Variants in CA10 observed in about 807,000 individuals in gnomAD.
CA10 encodes the protein carbonic anhydrase 10 (inactive).
A neutral mutation model predicts 44.2 loss-of-function variants in CA10; 14 were observed. That is an observed-to-expected ratio of 0.32 (90% CI 0.21 to 0.50). The LOEUF is 0.50. Ranked by LOEUF, CA10 falls within the 20% of genes least tolerant of loss-of-function variation. The probability of loss-of-function intolerance (pLI) is 0.99; values close to 1 mark genes in which losing one functional copy is unlikely to be tolerated. For missense variants in CA10, 350 were observed against 409.7 expected, an observed-to-expected ratio of 0.85 and a Z score of 1.26; for synonymous variants, 159 against 141.6, an observed-to-expected ratio of 1.12 and a Z score of -0.87.
chr17:51,919,851 A>G (rs1475850075), intron 3 of CA10, among the ~76,000 whole-genome samples: 1 of 152,044 alleles, frequency 6.6e-6, no homozygotes, highest in Non-Finnish European at 1.5e-5. Flanking sequence ...ACGGGGTTTC[A>G]CCATATTGGC....
At chr17:52,117,879 T>A (rs1458932409) in intron 1 of CA10, among the ~76,000 whole-genome samples, 2 of 152,212 alleles carry the variant, frequency 1.3e-5, no homozygotes, top group Non-Finnish European at 1.5e-5. Flanking sequence ...TTTAAACACA[T>A]TGTGGAAGGT....
At chr17:52,007,649 T>A (rs1012065450) in intron 2 of CA10, among the ~76,000 whole-genome samples, 2 of 151,600 alleles carry the variant, frequency 1.3e-5, no homozygotes, top group African/African-American at 4.8e-5. Flanking sequence ...TGATGTTTTA[T>A]TTACAATTTT....
intron 1 of CA10, among the ~76,000 whole-genome samples, chr17:52,136,937 ATCT>A (rs1989373221): frequency 6.6e-6 from 1 of 152,218 alleles, no homozygotes; most frequent in Non-Finnish European, 1.5e-5. Flanking sequence ...AAATAATGTG[ATCT>A]TTTACTAAAT....
At chr17:51,869,838 G>A (rs543184521) in intron 3 of CA10, among the ~76,000 whole-genome samples, 2 of 152,278 alleles carry the variant, frequency 1.3e-5, no homozygotes, top group African/African-American at 4.8e-5. Flanking sequence ...TTTTTAGGAA[G>A]ACTGTCCTCA....
intron 2 of CA10, among the ~76,000 whole-genome samples, chr17:51,932,553 T>C (rs971849526): frequency 1.3e-5 from 2 of 152,134 alleles, no homozygotes; most frequent in South Asian, 2.1e-4. Flanking sequence ...TTTTAAAATA[T>C]GACAAATATC....
chr17:51,698,116 T>G (rs929152684), intron 4 of CA10, among the ~76,000 whole-genome samples: 2 of 152,218 alleles, frequency 1.3e-5, no homozygotes, highest in African/African-American at 4.8e-5. Flanking sequence ...GCCTCCCTGC[T>G]GGGTCCTGCT....
intron 3 of CA10, among the ~76,000 whole-genome samples, chr17:51,822,937 A>G (rs903785821): frequency 1.3e-5 from 2 of 152,196 alleles, no homozygotes; most frequent in Non-Finnish European, 2.9e-5. Context: ...ACAATGGCCT[A>G]AGGAGGAGAC....
intron 1 of CA10, among the ~76,000 whole-genome samples, chr17:52,138,873 A>T (rs1989416989): frequency 6.6e-6 from 1 of 152,190 alleles, no homozygotes; most frequent in South Asian, 2.1e-4. Context: ...TGAAGGTTTC[A>T]TTATTTATAA....
chr17:51,744,308 C>A (rs1904580787), intron 4 of CA10, among the ~76,000 whole-genome samples: 1 of 148,020 alleles, frequency 6.8e-6, no homozygotes, highest in African/African-American at 2.5e-5. Context: ...CAGCGAGACT[C>A]CATCTCAAAA....
chr17:52,068,935 C>T (rs112484670), intron 2 of CA10, among the ~76,000 whole-genome samples: 1 of 152,144 alleles, frequency 6.6e-6, no homozygotes, highest in African/African-American at 2.4e-5. Flanking sequence ...GAAATTGGCT[C>T]ACATGATGGC....
intron 3 of CA10, among the ~76,000 whole-genome samples, chr17:51,814,051 G>T (rs555069118): frequency 2.4e-4 from 36 of 152,200 alleles, no homozygotes; most frequent in African/African-American, 7.9e-4. Flanking sequence ...AGAGTGCTTT[G>T]GTATTTGTCA....
intron 2 of CA10, among the ~76,000 whole-genome samples, chr17:52,064,406 C>A (rs1341073181): frequency 6.6e-6 from 1 of 152,142 alleles, no homozygotes. Context: ...AAAATCAAGG[C>A]AGGTACCACT....
chr17:51,737,296 A>G (rs1464694761), intron 4 of CA10, among the ~76,000 whole-genome samples: 1 of 152,182 alleles, frequency 6.6e-6, no homozygotes, highest in African/African-American at 2.4e-5. Flanking sequence ...ATAAGGCCCT[A>G]AGCACAATGC....
chr17:51,827,394 A>G (rs1345791157), intron 3 of CA10, among the ~76,000 whole-genome samples: 1 of 152,034 alleles, frequency 6.6e-6, no homozygotes, highest in East Asian at 1.9e-4. Flanking sequence ...AAACTGTAAG[A>G]AGCCTATTAT....
At chr17:51,772,156 G>A (rs1041589615) in intron 3 of CA10, among the ~76,000 whole-genome samples, 1 of 152,132 alleles carries the variant, frequency 6.6e-6, no homozygotes, top group Non-Finnish European at 1.5e-5. Flanking sequence ...GAACAATAGT[G>A]GCTACTGTTT....
At chr17:52,125,467 C>A (rs1008921159) in intron 1 of CA10, among the ~76,000 whole-genome samples, 1 of 152,134 alleles carries the variant, frequency 6.6e-6, no homozygotes, top group African/African-American at 2.4e-5. Context: ...CACAGTAGGC[C>A]TAAGAGCCAG....
At chr17:52,007,398 TAA>T (rs1450636767) in intron 2 of CA10, among the ~76,000 whole-genome samples, 1 of 151,602 alleles carries the variant, frequency 6.6e-6, no homozygotes, top group Non-Finnish European at 1.5e-5. Context: ...TTCAATAGAT[TAA>T]GAGTATTTGA....
intron 4 of CA10, among the ~76,000 whole-genome samples, chr17:51,680,189 A>G (rs761153497): frequency 6.6e-6 from 1 of 152,218 alleles, no homozygotes; most frequent in Non-Finnish European, 1.5e-5. Context: ...ATCAGGGAAG[A>G]CTTCATGGAG....
At chr17:51,707,036 C>T (rs1487438903) in intron 4 of CA10, among the ~76,000 whole-genome samples, 1 of 152,172 alleles carries the variant, frequency 6.6e-6, no homozygotes, top group African/African-American at 2.4e-5. Context: ...ACATATTTGT[C>T]TATTATCTGT....
Sources: gnomAD v4.1 joint callset for allele counts (sites outside exome capture counted in the v4.1 genomes callset) on GRCh38, gnomAD v4.1.1 for gene constraint, MANE v1.5 for transcripts, NCBI Gene and HGNC (gene_info 2026-07-23, HGNC 2026-07-21) for gene names.